Variants in ARID4B observed in about 807,000 individuals in gnomAD.
ARID4B encodes the protein AT-rich interactive domain-containing protein 4B.
ARID4B carries 26 observed loss-of-function variants against 147.5 expected under a neutral mutation model. The ratio of observed to expected loss-of-function variants is 0.18; its 90% CI spans 0.13 to 0.24. The LOEUF (loss-of-function observed/expected upper bound fraction) is 0.24. ARID4B is among the 10% of genes least tolerant of loss of function. ARID4B has a pLI of 1.00. For synonymous variants in ARID4B, 512 were observed against 507.9 expected (o/e 1.01, Z -0.11); for missense variants, 1,179 against 1,511.5 (o/e 0.78, Z 3.65).
intron 18 of ARID4B, among the ~76,000 whole-genome samples, chr1:235,195,764 C>T (rs926015907): frequency 6.6e-6 from 1 of 152,058 alleles, no homozygotes. Context: ...TGGTTGGGAA[C>T]TAGAGGGGAA....
rs759386155 is a variant in ARID4B, at chr1:235,220,340, C to T, written c.1369G>A (p.Asp457Asn). Residue 457 changes from aspartate (D) to asparagine (N), a missense_variant, in exon 15 of 24, where the codon GAT (aspartate) becomes AAT (asparagine). This residue lies in a region of ARID4B where 204 missense variants were observed against 210.9 expected (regional missense o/e 0.97). Transcript: ENST00000264183. ...IIPREEKPIE[D>N]EIERKENIKP... Reference sequence around the variant, plus strand: ...ATATTTTCTTTTCTTTCAATTTCATCCTCAATAGGCTTTTCTTCTCTTGGT... The same window carrying T: ...ATATTTTCTTTTCTTTCAATTTCATTCTCAATAGGCTTTTCTTCTCTTGGT... 2 of 1,604,572 alleles carry T rather than the reference C, an allele frequency of 1.2e-6. No individual in the cohort carries two copies. The highest frequency in any genetic ancestry group is 1.7e-6 in the Non-Finnish European group (2 of 1,175,884).
intron 19 of ARID4B, 118 bp downstream of exon 19, chr1:235,193,894 AG>A: frequency 1.5e-6 from 1 of 685,822 alleles, no homozygotes; most frequent in Non-Finnish European, 2.4e-6. Context: ...GTAATAAGAG[AG>A]CAAACAAAAC....
intron 2 of ARID4B, among the ~76,000 whole-genome samples, chr1:235,302,278 A>AGGGGG (rs1558295626): frequency 1.2e-5 from 1 of 85,338 alleles, no homozygotes; most frequent in African/African-American, 4.5e-5. Context: ...GAGGGAGGGG[A>AGGGGG]GGAAGGAAGG....
At chr1:235,216,720 CA>C (rs979115797) in intron 16 of ARID4B, among the ~76,000 whole-genome samples, 1 of 151,358 alleles carries the variant, frequency 6.6e-6, no homozygotes, top group Non-Finnish European at 1.5e-5. Flanking sequence ...GCTAAAATAT[CA>C]AAAAAATTAA....
intron 20 of ARID4B, chr1:235,180,596 G>T (rs1450030149): frequency 6.6e-6 from 1 of 151,958 alleles, no homozygotes; most frequent in African/African-American, 2.4e-5. Context: ...AAAAAGCAAA[G>T]AACATTTCAA....
intron 23 of ARID4B, 116 bp downstream of exon 23, chr1:235,172,502 C>A (rs12035188): frequency 9.7e-6 from 6 of 620,436 alleles, no homozygotes; most frequent in Non-Finnish European, 1.3e-5. Context: ...TGTTTGAACC[C>A]AGGAGGTGGA....
At position 235,213,784 on chromosome 1, in the gene ARID4B, C is replaced by T. The variant is rs1666860524; in HGVS notation, c.1826G>A (p.Cys609Tyr). The T allele has an allele frequency of 4.3e-6, 7 of 1,612,884 alleles. No individual in the cohort carries two copies. Among genetic ancestry groups the T allele is most frequent in the African/African-American group, 1.3e-5 (1 of 74,862 alleles). The part of the protein sequence containing the change: ...GGEVLYLVHY[C>Y]GWNVRYDEWI... Reference sequence around the variant, plus strand: ...CTCAAGTTACCTCACATTCCATCCGCAGTAATGCACCAAGTAAAGGACCTC... The same window carrying T: ...CTCAAGTTACCTCACATTCCATCCGTAGTAATGCACCAAGTAAAGGACCTC... The change falls in exon 17 of 24, where the codon TGC becomes TAC. Residue 609 changes from cysteine to tyrosine, a missense_variant. Cys to Tyr is a radical substitution (Grantham distance 194, BLOSUM62 -2). Transcript: ENST00000264183.
chr1:235,217,410 A>ACATGCACTCATATACATG, intron 16 of ARID4B, among the ~76,000 whole-genome samples: 1 of 152,146 alleles, frequency 6.6e-6, no homozygotes, highest in African/African-American at 2.4e-5. Context: ...TACACTACAT[A>ACATGCACTCATATACATG]CATGCACTCA....
intron 16 of ARID4B, among the ~76,000 whole-genome samples, chr1:235,215,844 C>A (rs1036958662): frequency 2.0e-5 from 3 of 151,786 alleles, no homozygotes; most frequent in Non-Finnish European, 4.4e-5. Context: ...ATACTTTGGC[C>A]TTCCAAAGTG....
At chr1:235,240,897 A>AAG (rs1386909763) in intron 7 of ARID4B, among the ~76,000 whole-genome samples, 1 of 152,174 alleles carries the variant, frequency 6.6e-6, no homozygotes, top group Admixed American at 6.5e-5. Context: ...TTAGGTTGGG[A>AAG]AGAGGAGGCA....
At chr1:235,258,082 A>C (rs1670094590) in intron 3 of ARID4B, among the ~76,000 whole-genome samples, 1 of 152,202 alleles carries the variant, frequency 6.6e-6, no homozygotes, top group African/African-American at 2.4e-5. Flanking sequence ...CTGTAATCCC[A>C]GCACTTTGGA....
At chr1:235,266,830 A>G (rs1670640157) in intron 2 of ARID4B, among the ~76,000 whole-genome samples, 1 of 152,238 alleles carries the variant, frequency 6.6e-6, no homozygotes, top group South Asian at 2.1e-4. Context: ...TGACTAGGAA[A>G]TACTCAATTA....
chr1:235,170,866 C>T (rs1187937916), intron 23 of ARID4B, among the ~76,000 whole-genome samples: 3 of 146,682 alleles, frequency 2.0e-5, no homozygotes, highest in South Asian at 2.2e-4. Flanking sequence ...GAGCCAAGAT[C>T]GCGCCACTGC....
At position 235,293,294 on chromosome 1, in the gene ARID4B, C is replaced by A. The variant is rs1021273556; in HGVS notation, c.7-32542G>T. On this transcript the variant is annotated intron_variant, in intron 2 of 23. Coordinates refer to ENST00000264183, the MANE Select transcript of ARID4B (RefSeq NM_016374.6). ...TTTTTACTATATTTTAAATACTGAT[C>A]ATTAACACAAACTTCTACAAGTAAA... 1.3e-3 allele frequency among the ~76,000 whole-genome samples: 193 copies of A among 152,228 alleles called. 1 individual carries two copies. Among genetic ancestry groups the A allele is most frequent in the African/African-American group, 4.6e-3 (189 of 41,522 alleles).
At chr1:235,215,567 GTGTGTGTGTGTGTATA>G (rs1027290034) in intron 16 of ARID4B, among the ~76,000 whole-genome samples, 9 of 147,590 alleles carry the variant, frequency 6.1e-5, no homozygotes, top group African/African-American at 2.3e-4. Flanking sequence ...GTGTGTGTGT[GTGTGTGTGTGTGTATA>G]TATTTTTCCC....
At chr1:235,313,591 T>C (rs1295065298) in intron 2 of ARID4B, among the ~76,000 whole-genome samples, 2 of 152,132 alleles carry the variant, frequency 1.3e-5, no homozygotes, top group East Asian at 3.9e-4. Context: ...ATTTTTGCCA[T>C]ACATAAAAGG....
intron 5 of ARID4B, among the ~76,000 whole-genome samples, chr1:235,255,219 C>CTATATATATAGATAGATAGA (rs370660682): frequency 7.8e-6 from 1 of 127,640 alleles, no homozygotes. Flanking sequence ...CTGCTGGGAG[C>CTATATATATAGATAGATAGA]TAGATAGATA....
At position 235,213,944 on chromosome 1, in the gene ARID4B, C is replaced by G. The variant is rs369073475; in HGVS notation, c.1666G>C (p.Asp556His). Reference sequence around the variant, plus strand: ...TCTTCCTCATTGTTGTCATCATCATCTTCATCCTCTTCTTCTTCTTCCTCC... The same window carrying G: ...TCTTCCTCATTGTTGTCATCATCATGTTCATCCTCTTCTTCTTCTTCCTCC... ...EEEEEEEEDE[D>H]DDDNNEEEEF... Residue 556 changes from aspartate to histidine, a missense_variant, in exon 17 of 24, where the codon GAT becomes CAT. This residue lies in a region of ARID4B where 204 missense variants were observed against 210.9 expected (regional missense o/e 0.97). Transcript: ENST00000264183. 1 of 1,607,770 alleles carries G rather than the reference C, an allele frequency of 6.2e-7. No individual in the cohort carries two copies. The highest frequency in any genetic ancestry group is 8.5e-7 in the Non-Finnish European group (1 of 1,174,614).
intron 2 of ARID4B, among the ~76,000 whole-genome samples, chr1:235,320,255 A>T (rs1254604864): frequency 6.6e-6 from 1 of 152,174 alleles, no homozygotes; most frequent in Non-Finnish European, 1.5e-5. Flanking sequence ...CAGTGAGCCG[A>T]GATCACATCA....
Sources: gnomAD v4.1 joint callset for allele counts (sites outside exome capture counted in the v4.1 genomes callset) on GRCh38, gnomAD v4.1.1 for gene constraint, gnomAD v4.1.1 regional missense constraint, MANE v1.5 for transcripts, NCBI Gene and HGNC (gene_info 2026-07-23, HGNC 2026-07-21) for gene names.